Variants in EYS observed in about 807,000 individuals in gnomAD.
The protein encoded by EYS is EGF-like photoreceptor maintenance factor.
EYS carries 250 observed loss-of-function variants against 282.1 expected under a neutral mutation model. That is an observed-to-expected ratio of 0.89 (90% CI 0.80 to 0.98). EYS has a LOEUF of 0.98. EYS is among the 50% of genes least tolerant of loss of function. EYS has a pLI of 0.00. For missense variants in EYS, 4,016 were observed against 3,709.0 expected (o/e 1.08, Z -2.15); for synonymous variants, 1,355 against 1,282.9 (o/e 1.06, Z -1.20).
intron 41 of EYS, among the ~76,000 whole-genome samples, chr6:63,752,312 C>A (rs1769357029): frequency 6.6e-6 from 1 of 151,850 alleles, no homozygotes; most frequent in Non-Finnish European, 1.5e-5. Flanking sequence ...AGTAACATGC[C>A]AGATCATTAG....
chr6:63,932,825 G>C (rs1764937897), intron 35 of EYS, among the ~76,000 whole-genome samples: 1 of 152,114 alleles, frequency 6.6e-6, no homozygotes, highest in African/African-American at 2.4e-5. Flanking sequence ...TATTTACCTG[G>C]AGATAGTATC....
chr6:64,327,323 C>T (rs1770465340), intron 29 of EYS, among the ~76,000 whole-genome samples: 1 of 152,096 alleles, frequency 6.6e-6, no homozygotes, highest in African/African-American at 2.4e-5. Flanking sequence ...AGAGTGAAAG[C>T]ACCTCGCAAG....
At chr6:64,782,161 A>C (rs1773883174) in intron 22 of EYS, among the ~76,000 whole-genome samples, 1 of 152,238 alleles carries the variant, frequency 6.6e-6, no homozygotes, top group African/African-American at 2.4e-5. Flanking sequence ...TTTTAACAAG[A>C]ATGTTGTAGA....
At chr6:64,003,229 T>C (rs1582113460) in intron 33 of EYS, among the ~76,000 whole-genome samples, 1 of 152,198 alleles carries the variant, frequency 6.6e-6, no homozygotes, top group African/African-American at 2.4e-5. Context: ...ACTTTCTCAC[T>C]TGTTTGTGGG....
intron 22 of EYS, among the ~76,000 whole-genome samples, chr6:64,749,832 T>C (rs1052294656): frequency 6.6e-6 from 1 of 152,132 alleles, no homozygotes; most frequent in Non-Finnish European, 1.5e-5. Context: ...ATTTTGATTT[T>C]TAATATTTGA....
At chr6:64,455,160 C>T (rs1775511936) in intron 26 of EYS, among the ~76,000 whole-genome samples, 1 of 152,104 alleles carries the variant, frequency 6.6e-6, no homozygotes, top group Admixed American at 6.6e-5. Flanking sequence ...AATCCTCCCT[C>T]CTCTGCCTCA....
intron 26 of EYS, among the ~76,000 whole-genome samples, chr6:64,495,370 T>C (rs1341631311): frequency 1.3e-5 from 2 of 151,820 alleles, no homozygotes; most frequent in Non-Finnish European, 2.9e-5. Context: ...AACTTGGACT[T>C]GGAAGATGAC....
intron 22 of EYS, among the ~76,000 whole-genome samples, chr6:64,718,744 C>T (rs184097993): frequency 3.3e-5 from 5 of 152,268 alleles, no homozygotes; most frequent in Admixed American, 2.0e-4. Context: ...AATCTCAGAG[C>T]TGTTGACAAA....
intron 30 of EYS, among the ~76,000 whole-genome samples, chr6:64,294,859 G>T (rs1768854155): frequency 6.6e-6 from 1 of 152,108 alleles, no homozygotes; most frequent in Non-Finnish European, 1.5e-5. Context: ...TGAATTACAT[G>T]CCTTTTTAAT....
intron 12 of EYS, among the ~76,000 whole-genome samples, chr6:65,279,280 T>A (rs935564580): frequency 6.6e-6 from 1 of 152,152 alleles, no homozygotes; most frequent in South Asian, 2.1e-4. Flanking sequence ...TGCAACTTTC[T>A]TTCTCCCTGA....
intron 12 of EYS, among the ~76,000 whole-genome samples, chr6:65,293,883 A>G (rs1380034227): frequency 1.3e-5 from 2 of 151,904 alleles, no homozygotes; most frequent in African/African-American, 4.8e-5. Context: ...TCAGGGAAAT[A>G]AAAGGTGATT....
At chr6:64,340,192 A>T (rs1330463500) in intron 29 of EYS, among the ~76,000 whole-genome samples, 2 of 148,214 alleles carry the variant, frequency 1.3e-5, no homozygotes, top group African/African-American at 4.9e-5. Context: ...TGTGTGTGTA[A>T]AAAAAAAAAG....
At chr6:64,115,746 G>A (rs1366619920) in intron 31 of EYS, among the ~76,000 whole-genome samples, 2 of 152,256 alleles carry the variant, frequency 1.3e-5, no homozygotes, top group African/African-American at 2.4e-5. Context: ...TCTATTAAAT[G>A]TGCAAACATT....
chr6:64,094,897 A>G (rs1772529045), intron 31 of EYS, among the ~76,000 whole-genome samples: 1 of 152,134 alleles, frequency 6.6e-6, no homozygotes, highest in South Asian at 2.1e-4. Context: ...ATTTAGTGCT[A>G]TAAATTTCCC....
At chr6:65,534,337 T>G (rs1049825581) in intron 2 of EYS, among the ~76,000 whole-genome samples, 1 of 152,148 alleles carries the variant, frequency 6.6e-6, no homozygotes, top group Non-Finnish European at 1.5e-5. Flanking sequence ...CAGTTTTATA[T>G]GAAGTTTACT....
chr6:64,015,612 C>A (rs1421583284), intron 33 of EYS, among the ~76,000 whole-genome samples: 2 of 152,078 alleles, frequency 1.3e-5, no homozygotes, highest in Non-Finnish European at 2.9e-5. Flanking sequence ...ATTCAACAGA[C>A]AAATGATCGA....
At chr6:64,321,770 G>GA (rs1447286422) in intron 29 of EYS, among the ~76,000 whole-genome samples, 31 of 151,792 alleles carry the variant, frequency 2.0e-4, no homozygotes, top group Non-Finnish European at 4.0e-4. Context: ...TATAGACTAA[G>GA]AAAAAATTGG....
At chr6:65,675,578 T>G (rs1768556185) in intron 1 of EYS, among the ~76,000 whole-genome samples, 1 of 151,906 alleles carries the variant, frequency 6.6e-6, no homozygotes, top group Non-Finnish European at 1.5e-5. Flanking sequence ...ACCAAATATA[T>G]ATGCACATAG....
chr6:64,655,436 AT>A (rs1330279908), intron 22 of EYS, among the ~76,000 whole-genome samples: 3 of 152,118 alleles, frequency 2.0e-5, no homozygotes, highest in Non-Finnish European at 4.4e-5. Flanking sequence ...TTTATAAAAA[AT>A]ATCTAATGCA....
Sources: allele counts gnomAD v4.1 joint callset (sites outside exome capture counted in the v4.1 genomes callset), GRCh38; gene constraint gnomAD v4.1.1; transcripts MANE v1.5; gene names NCBI Gene and HGNC (gene_info 2026-07-23, HGNC 2026-07-21).